Variants in PTGS1 observed in about 807,000 individuals in gnomAD.
PTGS1 encodes the protein prostaglandin G/H synthase 1.
PTGS1 carries 40 observed loss-of-function variants against 63.0 expected under a neutral mutation model. The observed-to-expected ratio is 0.63, with a 90% CI of 0.49 to 0.83. The LOEUF is 0.83. Among genes scored for constraint, PTGS1 ranks in the 40% least tolerant of loss-of-function variants. The pLI, the probability that PTGS1 is intolerant of heterozygous loss-of-function variation, is 0.00. For missense variants in PTGS1, 709 were observed against 786.5 expected (o/e 0.90, Z 1.18); for synonymous variants, 298 against 301.9 (o/e 0.99, Z 0.13).
chr9:122,375,187 T>G, intron 2 of PTGS1: 1 of 577,074 alleles, frequency 1.7e-6, no homozygotes, highest in Non-Finnish European at 2.2e-6. Flanking sequence ...GCAGTGGTGT[T>G]TATGGAAAGA....
chr9:122,383,773 G>A lies in PTGS1; in HGVS notation c.1009+18G>A, dbSNP rs199972295. On this transcript the variant is annotated intron_variant, in intron 8 of 10. Transcript: ENST00000362012. ...CCTCATAGGTGAGGACTCCAGACCT[G>A]CCCTGCCCTGGAAGGTCATTCCCTC... 1.3e-6 allele frequency: 2 copies of A among 1,598,696 alleles called. No individual in the cohort carries two copies. Among genetic ancestry groups the A allele is most frequent in the South Asian group, 1.1e-5 (1 of 90,962 alleles).
Position 122,383,007 on chromosome 9 carries a change from T to C in PTGS1, c.763-502T>C, listed in dbSNP as rs1344373869. Among the ~76,000 whole-genome samples, 9 of 152,034 alleles carry C rather than the reference T, an allele frequency of 5.9e-5. No individual in the cohort carries two copies. In the East Asian group the frequency reaches 1.7e-3, roughly 29 times the overall value. ...AGAGGTGGAGAACAGCTTGGTGACTTGGAGGGAGTGTAAAAATGGGAGCGT... is the reference window on the plus strand; with the variant it reads ...AGAGGTGGAGAACAGCTTGGTGACTCGGAGGGAGTGTAAAAATGGGAGCGT... On this transcript the variant is annotated intron_variant, in intron 7 of 10. Transcript: ENST00000362012.
At chr9:122,386,284 C>G (rs1397889469) in intron 8 of PTGS1, among the ~76,000 whole-genome samples, 162 bp from the exon 9 acceptor site, 2 of 152,098 alleles carry the variant, frequency 1.3e-5, no homozygotes, top group Non-Finnish European at 2.9e-5. Context: ...GCTTGGGTGA[C>G]AGACCAAGAC....
intron 3 of PTGS1, 60 bp from the exon 4 acceptor site, chr9:122,378,373 C>A (rs952080065): frequency 5.5e-5 from 89 of 1,605,374 alleles, no homozygotes; most frequent in Non-Finnish European, 9.3e-6. Context: ...CATCTTCCAC[C>A]CTGGCTACTT....
At chr9:122,380,728 C>T (rs1837459310) in intron 5 of PTGS1, among the ~76,000 whole-genome samples, 1 of 152,110 alleles carries the variant, frequency 6.6e-6, no homozygotes, top group Admixed American at 6.6e-5. Context: ...GCTTGCTGAC[C>T]TATGATTTAA....
At chr9:122,390,690 A>G (rs10306176) in intron 10 of PTGS1, among the ~76,000 whole-genome samples, 27,766 of 151,920 alleles carry the variant, frequency 0.18, 6,247 homozygotes, top group African/African-American at 0.53. Context: ...GAGGTCAGGA[A>G]ATCGAGACCA....
intron 2 of PTGS1, chr9:122,371,829 G>T: frequency 6.5e-7 from 1 of 1,528,398 alleles, no homozygotes; most frequent in Non-Finnish European, 8.8e-7. Context: ...AGGAAACCGA[G>T]GCTCAGTAGG....
chr9:122,382,322 A>G (rs1171843881), intron 7 of PTGS1, among the ~76,000 whole-genome samples: 1 of 152,248 alleles, frequency 6.6e-6, no homozygotes, highest in Non-Finnish European at 1.5e-5. Context: ...TAATCAATAC[A>G]TTATTAATAA....
At chr9:122,375,640 C>T (rs1419067055) in intron 2 of PTGS1, among the ~76,000 whole-genome samples, 1 of 152,082 alleles carries the variant, frequency 6.6e-6, no homozygotes, top group Non-Finnish European at 1.5e-5. Flanking sequence ...AATTGGAACC[C>T]GGAGCCAGGG....
At chr9:122,391,415 A>T (rs1302008848) in intron 10 of PTGS1, among the ~76,000 whole-genome samples, 2 of 31,074 alleles carry the variant, frequency 6.4e-5, no homozygotes, top group African/African-American at 7.8e-4. Context: ...ATATACATAT[A>T]TATATATATA....
rs10306127 is a variant in PTGS1 at position 122,374,451 on chromosome 9, C to T, written c.94+3179C>T. On this transcript the variant is annotated intron_variant, in intron 2 of 10. Transcript: ENST00000362012. ...AATGCACAGCCAGTAAGAGCAGCCA[C>T]TCTCTAATACAGCTCTCCCAAGCAA... Among the ~76,000 whole-genome samples, 380 of 152,314 alleles carry T rather than the reference C, an allele frequency of 2.5e-3. 2 individuals carry two copies. Among genetic ancestry groups the T allele is most frequent in the African/African-American group, 8.7e-3 (363 of 41,568 alleles).
intron 2 of PTGS1, chr9:122,371,747 A>G: frequency 1.3e-6 from 2 of 1,530,006 alleles, no homozygotes; most frequent in Non-Finnish European, 1.8e-6. Context: ...TCGGGAGAAC[A>G]TGGGAGATGG....
intron 2 of PTGS1, chr9:122,372,749 T>G (rs369955352): frequency 1.3e-5 from 2 of 152,414 alleles, no homozygotes; most frequent in East Asian, 3.9e-4. Context: ...TAATGCACAA[T>G]GAGCCATGGT....
At chr9:122,385,159 T>C (rs1419160475) in intron 8 of PTGS1, among the ~76,000 whole-genome samples, 1 of 152,172 alleles carries the variant, frequency 6.6e-6, no homozygotes, top group Non-Finnish European at 1.5e-5. Context: ...GGTTTTGCCA[T>C]GTTGGCCAGG....
chr9:122,374,216 C>T (rs1836977691), intron 2 of PTGS1, among the ~76,000 whole-genome samples: 2 of 152,070 alleles, frequency 1.3e-5, no homozygotes, highest in South Asian at 4.1e-4. Flanking sequence ...GTCTTGGGGA[C>T]TCAGTGAGAG....
chr9:122,391,398 C>CATAT (rs1250175386), intron 10 of PTGS1, among the ~76,000 whole-genome samples: 1 of 93,180 alleles, frequency 1.1e-5, no homozygotes, highest in Non-Finnish European at 2.2e-5. Context: ...TATATATATA[C>CATAT]ATATATATAT....
chr9:122,381,875 C>A, intron 7 of PTGS1, 128 bp downstream of exon 7: 1 of 934,242 alleles, frequency 1.1e-6, no homozygotes, highest in South Asian at 1.5e-5. Context: ...AAGCTTGTGC[C>A]AGGAGCGACA....
intron 2 of PTGS1, among the ~76,000 whole-genome samples, chr9:122,372,215 C>CT (rs746673038): frequency 2.0e-5 from 3 of 152,260 alleles, no homozygotes; most frequent in East Asian, 1.9e-4. Context: ...GGAGTCCGCA[C>CT]TTTCTGCTGT....
intron 4 of PTGS1, 85 bp downstream of exon 4, chr9:122,378,658 T>C: frequency 6.2e-7 from 1 of 1,607,034 alleles, no homozygotes; most frequent in Non-Finnish European, 8.5e-7. Flanking sequence ...ATAAGGGTAG[T>C]GGGTGGGGAG....
Sources: allele counts gnomAD v4.1 joint callset (sites outside exome capture counted in the v4.1 genomes callset), GRCh38; gene constraint gnomAD v4.1.1; transcripts MANE v1.5; gene names NCBI Gene and HGNC (gene_info 2026-07-23, HGNC 2026-07-21).